LTV1: variants seen among roughly 807,000 people sequenced by gnomAD.
LTV1 encodes the protein LTV1 ribosome biogenesis factor.
In LTV1, 39 loss-of-function variants were observed where a neutral mutation model predicts 59.9. The ratio of observed to expected loss-of-function variants is 0.65; its 90% CI spans 0.50 to 0.85. The LOEUF (loss-of-function observed/expected upper bound fraction) is 0.85, where lower values mean the gene tolerates loss of function less well. LTV1 is among the 40% of genes least tolerant of loss of function. LTV1 has a pLI of 0.00. For missense variants in LTV1, 493 were observed against 549.1 expected (o/e 0.90, Z 1.02); for synonymous variants, 171 against 189.5 (o/e 0.90, Z 0.80).
At chr6:143,860,821 G>A (rs1289949982) in intron 7 of LTV1, among the ~76,000 whole-genome samples, 4 of 152,160 alleles carry the variant, frequency 2.6e-5, no homozygotes, top group African/African-American at 9.7e-5. Flanking sequence ...AGAACGTAAT[G>A]GGAATATACG....
At chr6:143,849,538 A>G (rs1179682738) in intron 3 of LTV1, among the ~76,000 whole-genome samples, 4 of 152,166 alleles carry the variant, frequency 2.6e-5, no homozygotes, top group Non-Finnish European at 5.9e-5. Flanking sequence ...GGATAAATGG[A>G]ATAATTTGCT....
Position 143,860,406 on chromosome 6 carries a change from TTTCTC to T in LTV1, c.796-18_796-14del, listed in dbSNP as rs750292722. The stretch of plus-strand genomic sequence containing the variant: ...AGTACATTTGCTTTTCATGGTATCT[TTTCTC>T]TGTTTATATTCAAGTTTTATGAGCA... On this transcript the variant is annotated splice_polypyrimidine_tract_variant and intron_variant, in intron 6 of 10. Transcript: ENST00000367576. 1 of 1,608,868 alleles carries T rather than the reference TTTCTC, an allele frequency of 6.2e-7. No individual in the cohort carries two copies. Among genetic ancestry groups the T allele is most frequent in the Non-Finnish European group, 8.5e-7 (1 of 1,177,942 alleles).
intron 4 of LTV1, among the ~76,000 whole-genome samples, chr6:143,850,658 C>A (rs1582936650): frequency 6.6e-6 from 1 of 152,246 alleles, no homozygotes; most frequent in African/African-American, 2.4e-5. Context: ...ATTTGTAGTA[C>A]CAACACTGTA....
At chr6:143,852,180 A>G (rs556620638) in intron 4 of LTV1, among the ~76,000 whole-genome samples, 66 of 152,224 alleles carry the variant, frequency 4.3e-4, no homozygotes, top group Middle Eastern at 3.4e-3. Flanking sequence ...ACTAATTTAC[A>G]CTCCCAACAA....
At position 143,849,869 on chromosome 6, in the gene LTV1, T is replaced by G. The variant is rs148142288; in HGVS notation, c.310-262T>G. ...GTTACCGGTGATCATTCCTTGGAAT[T>G]CCTTGCCTTATAGAGGCCTCACTCC... On this transcript the variant is annotated intron_variant, in intron 3 of 10. Transcript: ENST00000367576. Among the ~76,000 whole-genome samples, 411 of 152,320 alleles carry G rather than the reference T, an allele frequency of 2.7e-3. 2 individuals are homozygous for G. The highest frequency in any genetic ancestry group is 5.0e-3 in the Non-Finnish European group (337 of 68,020).
intron 3 of LTV1, 146 bp from the exon 4 acceptor site, chr6:143,849,985 T>C: frequency 1.7e-6 from 1 of 592,394 alleles, no homozygotes; most frequent in Non-Finnish European, 3.0e-6. Context: ...TAAGACCTCA[T>C]CTTATTATAG....
Position 143,857,728 on chromosome 6 carries a change from G to A in LTV1, c.540-24G>A, listed in dbSNP as rs765622358. 17 of 1,611,908 alleles carry A rather than the reference G, an allele frequency of 1.1e-5. No homozygotes were observed. The highest frequency in any genetic ancestry group is 1.1e-5 in the Non-Finnish European group (13 of 1,178,306). On this transcript the variant is annotated intron_variant, in intron 5 of 10. Coordinates refer to ENST00000367576, the MANE Select transcript of LTV1 (RefSeq NM_032860.5). The surrounding 1 kb of genome is among the most constrained non-coding windows in gnomAD (Gnocchi z 5.2). ...TGTTACTTTTTAAGTTGTTTTGGTA[G>A]GTAATTTATGACCTTTACTTTAGGA...
chr6:143,856,463 A>G (rs889885268), intron 4 of LTV1, among the ~76,000 whole-genome samples: 3 of 152,146 alleles, frequency 2.0e-5, no homozygotes, highest in Admixed American at 6.5e-5. Flanking sequence ...TTCTCCGTCC[A>G]GTTTTGTTCC....
chr6:143,860,376 T>G, intron 6 of LTV1, 50 bp from the exon 7 acceptor site: 1 of 1,581,588 alleles, frequency 6.3e-7, no homozygotes, highest in Non-Finnish European at 8.6e-7. Context: ...TGTGTAGTCT[T>G]ACTGAGTACA....
At chr6:143,853,984 G>A (rs1052220331) in intron 4 of LTV1, among the ~76,000 whole-genome samples, 6 of 152,090 alleles carry the variant, frequency 3.9e-5, no homozygotes, top group African/African-American at 1.4e-4. Flanking sequence ...TTAGAGAGGA[G>A]TCCCTCTTTT....
Position 143,846,181 on chromosome 6 carries a change from C to T in LTV1, c.266C>T (p.Ala89Val). The T allele has an allele frequency of 1.2e-6, 2 of 1,614,156 alleles. No individual in the cohort carries two copies. The highest frequency in any genetic ancestry group is 1.7e-6 in the Non-Finnish European group (2 of 1,180,028). Residue 89 changes from alanine (A) to valine (V), a missense_variant, in exon 3 of 11, where the codon GCA becomes GTA. Coordinates refer to ENST00000367576, the MANE Select transcript of LTV1 (RefSeq NM_032860.5). ...CTTATTCCCTCAAGTACCTTCAGTG[C>T]ACACAACAGGAGAGAGGAGAAAGAA... ...SELIPSSTFS[A>V]HNRREEKEET... is the part of the protein sequence containing the mutation.
chr6:143,844,393 C>T, intron 1 of LTV1, 93 bp from the exon 2 acceptor site: 1 of 1,340,058 alleles, frequency 7.5e-7, no homozygotes, highest in Non-Finnish European at 1.0e-6. Context: ...GTATCTTTAA[C>T]ATGACTACTA....
At chr6:143,861,581 C>T (rs1260902234) in intron 7 of LTV1, among the ~76,000 whole-genome samples, 2 of 152,072 alleles carry the variant, frequency 1.3e-5, no homozygotes, top group South Asian at 2.1e-4. Flanking sequence ...ATTTACATCT[C>T]GTGGAAAGAC....
At chr6:143,853,865 G>A (rs1262878773) in intron 4 of LTV1, among the ~76,000 whole-genome samples, 1 of 152,158 alleles carries the variant, frequency 6.6e-6, no homozygotes, top group Non-Finnish European at 1.5e-5. Flanking sequence ...GTTTTTTATT[G>A]ACGATTTTCG....
At position 143,843,659 on chromosome 6, in the gene LTV1, C is replaced by G. The variant is rs368747582; in HGVS notation, c.3+179C>G. ...GTGGGCATTCTTTGCAAGTTACAGT[C>G]TCCCACCGCCGAGCCTCCCTGGGAT... On this transcript the variant is annotated intron_variant, in intron 1 of 10. Coordinates refer to ENST00000367576, the MANE Select transcript of LTV1 (RefSeq NM_032860.5). Among the ~76,000 whole-genome samples, 13 of 152,336 alleles carry G rather than the reference C, an allele frequency of 8.5e-5. No homozygotes were observed. The South Asian group carries it at 2.7e-3, about 32-fold the overall frequency.
chr6:143,847,050 C>T (rs530039963), intron 3 of LTV1, among the ~76,000 whole-genome samples: 129 of 152,260 alleles, frequency 8.5e-4, no homozygotes, highest in African/African-American at 2.9e-3. Flanking sequence ...CTTAAGGAGA[C>T]TCAGAAAGGT....
At chr6:143,850,754 G>A (rs1429886827) in intron 4 of LTV1, among the ~76,000 whole-genome samples, 2 of 152,134 alleles carry the variant, frequency 1.3e-5, no homozygotes, top group African/African-American at 4.8e-5. Context: ...CCTGTCCTGT[G>A]GCATTCATTA....
At chr6:143,850,271 TAAAG>T (rs1776961597) in intron 4 of LTV1, 53 bp downstream of exon 4, 4 of 1,377,618 alleles carry the variant, frequency 2.9e-6, no homozygotes, top group Non-Finnish European at 4.1e-6. Flanking sequence ...TTGCAAAACA[TAAAG>T]AAATGATGTA....
At chr6:143,853,318 G>A (rs1016286974) in intron 4 of LTV1, among the ~76,000 whole-genome samples, 1 of 152,164 alleles carries the variant, frequency 6.6e-6, no homozygotes, top group East Asian at 1.9e-4. Flanking sequence ...CATTGATTTT[G>A]TATCCTGAGA....
Sources: allele counts gnomAD v4.1 joint callset (sites outside exome capture counted in the v4.1 genomes callset), GRCh38; gene constraint gnomAD v4.1.1; non-coding constraint Gnocchi (gnomAD v3.1); transcripts MANE v1.5; gene names NCBI Gene and HGNC (gene_info 2026-07-23, HGNC 2026-07-21).